The following MGAM2 variants were observed in gnomAD, a reference collection of about 807,000 sequenced individuals.
The protein encoded by MGAM2 is probable maltase-glucoamylase 2.
In MGAM2, 98 loss-of-function variants were observed where a neutral mutation model predicts 96.1. That is an observed-to-expected ratio of 1.02 (90% CI 0.87 to 1.21). The LOEUF (loss-of-function observed/expected upper bound fraction) is 1.21. Among genes scored for constraint, MGAM2 ranks in the 50% most tolerant of loss-of-function variants. The pLI, the probability that MGAM2 is intolerant of heterozygous loss-of-function variation, is 0.00. For missense variants in MGAM2, 2,055 were observed against 1,182.4 expected (o/e 1.74, Z -10.82); for synonymous variants, 749 against 414.8 (o/e 1.81, Z -9.79).
At chr7:142,129,161 C>T (rs548913138) in intron 3 of MGAM2, among the ~76,000 whole-genome samples, 1 of 152,340 alleles carries the variant, frequency 6.6e-6, no homozygotes, top group East Asian at 1.9e-4. Context: ...CATTGGATTT[C>T]AGACTTGCAT....
At chr7:142,185,261 C>G in intron 34 of MGAM2, 122 bp downstream of exon 34, 1 of 561,722 alleles carries the variant, frequency 1.8e-6, no homozygotes, top group Non-Finnish European at 3.2e-6. Flanking sequence ...GGTGCTTATC[C>G]ACTGTTAGTT....
chr7:142,184,252 C>T (rs1199804353), intron 33 of MGAM2, among the ~76,000 whole-genome samples: 4 of 152,050 alleles, frequency 2.6e-5, no homozygotes, highest in Non-Finnish European at 4.4e-5. Context: ...GGATTACAGG[C>T]GTAAGCCACT....
Position 142,135,836 on chromosome 7 carries a change from CT to C in MGAM2, c.748-697del, listed in dbSNP as rs145391878. ...TCTTTCTCTTTCTATCAGTTTTAAG[CT>C]TTTTTTTAACCACTTAAGTATTATA... On this transcript the variant is annotated intron_variant, in intron 7 of 47. Transcript: ENST00000477922. 5.4e-3 allele frequency among the ~76,000 whole-genome samples: 817 copies of C among 151,604 alleles called. 8 individuals carry two copies. Among genetic ancestry groups the C allele is most frequent in the African/African-American group, 0.019 (779 of 41,318 alleles).
At chr7:142,187,599 A>C (rs750468940) in intron 35 of MGAM2, 151 bp from the exon 36 acceptor site, 45 of 546,076 alleles carry the variant, frequency 8.2e-5, no homozygotes, top group Non-Finnish European at 1.1e-4. Flanking sequence ...TTTAGAGTCC[A>C]TTTGGGTCAG....
chr7:142,153,742 A>G (rs948731712), intron 15 of MGAM2, among the ~76,000 whole-genome samples: 1 of 152,230 alleles, frequency 6.6e-6, no homozygotes, highest in Non-Finnish European at 1.5e-5. Context: ...ACCAGATCCA[A>G]CTAGACAGAG....
At chr7:142,141,589 T>A (rs1795232075) in intron 12 of MGAM2, among the ~76,000 whole-genome samples, 1 of 152,174 alleles carries the variant, frequency 6.6e-6, no homozygotes, top group African/African-American at 2.4e-5. Context: ...AACCTCTGAC[T>A]CCTGGGTTCA....
At chr7:142,195,414 G>A (rs1297864731) in intron 37 of MGAM2, among the ~76,000 whole-genome samples, 1 of 137,950 alleles carries the variant, frequency 7.2e-6, no homozygotes. Flanking sequence ...GAAGGGCAGT[G>A]GCACGATCTC....
rs1795092947 is a variant in MGAM2, at chr7:142,137,461, C to T, written c.876C>T (p.Ile292=). The part of the protein sequence containing the change: ...MEVTLQPAPA[I]TYRTIGGILD... ...TTACCCTTCAGCCAGCTCCTGCGAT[C>T]ACTTATCGCACGATTGGAGGCATTC... The change falls in exon 9 of 48, where the codon ATC becomes ATT. Residue 292 remains isoleucine, a synonymous_variant. Coordinates refer to ENST00000477922, the MANE Select transcript of MGAM2 (RefSeq NM_001293626.2). The T allele has an allele frequency of 2.9e-6, 2 of 700,620 alleles. No individual in the cohort carries two copies. Among genetic ancestry groups the T allele is most frequent in the Admixed American group, 2.0e-5 (1 of 49,700 alleles). The allele number at this position is 700,620 out of a possible 1,614,324, so 43.4% of individuals were successfully genotyped here.
intron 23 of MGAM2, among the ~76,000 whole-genome samples, chr7:142,162,998 A>C (rs1296955630): frequency 6.6e-6 from 1 of 152,048 alleles, no homozygotes; most frequent in Non-Finnish European, 1.5e-5. Context: ...CATTTCTATA[A>C]TTTTGTCCTT....
chr7:142,209,706 G>A (rs562327589), intron 46 of MGAM2, among the ~76,000 whole-genome samples: 1 of 152,134 alleles, frequency 6.6e-6, no homozygotes, highest in East Asian at 1.9e-4. Flanking sequence ...CCTGCTTATA[G>A]TGGTTTCCAG....
chr7:142,220,008 A>G lies in MGAM2; in HGVS notation c.5497A>G (p.Thr1833Ala). ...AATGAGTTCTCATCCTTCTCCATCTACTACCAATGCCACCAGTTCTGAGAC... is the reference window on the plus strand; with the variant it reads ...AATGAGTTCTCATCCTTCTCCATCTGCTACCAATGCCACCAGTTCTGAGAC... ...IPMSSHPSPS[T>A]TNATSSETIT... Residue 1833 changes from threonine (T) to alanine (A), a missense_variant, in exon 48 of 48, where the codon ACT (threonine) becomes GCT (alanine). Physicochemically the swap from Thr to Ala is moderately conservative, Grantham distance 58 (BLOSUM62 0). Transcript: ENST00000477922. The G allele has an allele frequency of 2.8e-6, 2 of 702,872 alleles. No homozygotes were observed. The highest frequency in any genetic ancestry group is 2.3e-4 in the Middle Eastern group (1 of 4,370). 43.5% of individuals were successfully genotyped at this position (702,872 alleles called of 1,614,324 possible).
intron 3 of MGAM2, 89 bp from the exon 4 acceptor site, chr7:142,130,859 C>T (rs1291391278): frequency 4.8e-6 from 3 of 626,196 alleles, no homozygotes; most frequent in Non-Finnish European, 5.8e-6. Context: ...TTAAATTCTC[C>T]TTGGAATAAA....
intron 32 of MGAM2, among the ~76,000 whole-genome samples, chr7:142,178,795 T>C (rs1796452550): frequency 6.6e-6 from 1 of 152,226 alleles, no homozygotes; most frequent in East Asian, 1.9e-4. Context: ...TTTTTCTAAT[T>C]ATGTGAAAAA....
At position 142,222,090 on chromosome 7, in the gene MGAM2, A is replaced by C. The variant is rs1797948284; in HGVS notation, c.*31A>C. The C allele has an allele frequency of 2.5e-6, 1 of 397,972 alleles. No individual in the cohort carries two copies. The highest frequency in any genetic ancestry group is 4.4e-5 in the Admixed American group (1 of 22,710). The allele number at this position is 397,972 out of a possible 1,614,324, so 24.7% of individuals were successfully genotyped here. A position where few individuals can be genotyped will look rare whatever the true frequency, so the allele number is the denominator to read the frequency against. On this transcript the variant is annotated 3_prime_UTR_variant, in exon 48 of 48. Transcript: ENST00000477922. The stretch of plus-strand genomic sequence containing the variant: ...ACTCAAGGCAGGATAGTTACCTCAG[A>C]TAACGCCTACAAACAACTATTACAG...
intron 10 of MGAM2, among the ~76,000 whole-genome samples, chr7:142,138,945 C>A (rs1795137062): frequency 6.6e-6 from 1 of 152,094 alleles, no homozygotes. Context: ...TAGTTTCCAC[C>A]TTTATAGAAT....
At chr7:142,194,645 T>C (rs1015785934) in intron 37 of MGAM2, among the ~76,000 whole-genome samples, 1 of 152,116 alleles carries the variant, frequency 6.6e-6, no homozygotes, top group Non-Finnish European at 1.5e-5. Context: ...CTTTCTCTTG[T>C]AGAAATCAGG....
chr7:142,218,626 G>T lies in MGAM2; in HGVS notation c.5358+95G>T, dbSNP rs549032640. On this transcript the variant is annotated intron_variant, in intron 47 of 47. Coordinates refer to ENST00000477922, the MANE Select transcript of MGAM2 (RefSeq NM_001293626.2). Reference sequence around the variant, plus strand: ...TTTGCTAACAATTAAAATTATCATTGTTAAATTTTCATGTATTAGATGGTT... The same window carrying T: ...TTTGCTAACAATTAAAATTATCATTTTTAAATTTTCATGTATTAGATGGTT... The T allele has an allele frequency of 7.2e-4, 424 of 585,594 alleles. 1 individual carries two copies. The highest frequency in any genetic ancestry group is 1.4e-3 in the Admixed American group (44 of 31,980). The allele number at this position is 585,594 out of a possible 1,614,324, so 36.3% of individuals were successfully genotyped here.
intron 46 of MGAM2, among the ~76,000 whole-genome samples, chr7:142,208,954 T>C (rs141298682): frequency 2.6e-5 from 4 of 152,368 alleles, no homozygotes; most frequent in Non-Finnish European, 4.4e-5. Flanking sequence ...CTACTTATTA[T>C]GCAATAATGC....
In MGAM2 at chr7:142,157,908, A is replaced by G. The variant is rs1313997401; in HGVS notation, c.1924-29A>G. On this transcript the variant is annotated intron_variant, in intron 17 of 47. Transcript: ENST00000477922. ...CTTCTGAACTATGATGGAAAGAAAT[A>G]TTCAGCCATTCCTTCCATTTTCTCC... 8.6e-6 allele frequency: 6 copies of G among 701,044 alleles called. No homozygotes were observed. The East Asian group carries it at 1.1e-4, about 13-fold the overall frequency. The allele number at this position is 701,044 out of a possible 1,614,324, so 43.4% of individuals were successfully genotyped here.
Sources: gnomAD v4.1 joint callset for allele counts (sites outside exome capture counted in the v4.1 genomes callset) on GRCh38, gnomAD v4.1.1 for gene constraint, MANE v1.5 for transcripts, NCBI Gene and HGNC (gene_info 2026-07-23, HGNC 2026-07-21) for gene names.